The following DIAPH1 variants were observed in gnomAD, a reference collection of about 807,000 sequenced individuals.
DIAPH1 encodes diaphanous related formin 1.
In DIAPH1, 46 loss-of-function variants were observed where a neutral mutation model predicts 140.7. That is an observed-to-expected ratio of 0.33 (90% CI 0.26 to 0.42). The LOEUF is 0.42. Among genes scored for constraint, DIAPH1 ranks in the 10% least tolerant of loss-of-function variants. DIAPH1 has a pLI of 1.00. For synonymous variants in DIAPH1, 565 were observed against 551.6 expected (o/e 1.02, Z -0.34); for missense variants, 1,310 against 1,558.7 (o/e 0.84, Z 2.69).
rs1386271287 is a variant in DIAPH1, at chr5:141,548,185, C to A, written c.2483-13752G>T. Among the ~76,000 whole-genome samples the A allele has an allele frequency of 2.7e-5, 4 of 146,182 alleles. No homozygotes were observed. The East Asian group carries it at 8.1e-4, about 30-fold the overall frequency. ...CTCCACTCCAGCCTGGGCGACAGAGCAAGATCTTGTTTCAAAAAAAAAAAC... is the reference window on the plus strand; with the variant it reads ...CTCCACTCCAGCCTGGGCGACAGAGAAAGATCTTGTTTCAAAAAAAAAAAC... On this transcript the variant is annotated intron_variant, in intron 18 of 27. Coordinates refer to ENST00000389054, the MANE Select transcript of DIAPH1 (RefSeq NM_005219.5).
At chr5:141,588,541 A>G (rs1248865485) in intron 1 of DIAPH1, among the ~76,000 whole-genome samples, 1 of 152,104 alleles carries the variant, frequency 6.6e-6, no homozygotes, top group Admixed American at 6.6e-5. Context: ...CGATACACTT[A>G]TAAGATATGC....
chr5:141,601,760 T>TGA (rs1327867956), intron 1 of DIAPH1, among the ~76,000 whole-genome samples: 1 of 152,222 alleles, frequency 6.6e-6, no homozygotes. Flanking sequence ...AAACAGTATA[T>TGA]TTATTCTTTC....
chr5:141,617,305 G>A (rs2099902838), intron 1 of DIAPH1, among the ~76,000 whole-genome samples: 1 of 149,732 alleles, frequency 6.7e-6, no homozygotes, highest in South Asian at 2.1e-4. Flanking sequence ...TCTAGGGGGG[G>A]AAAAAAAGAT....
intron 19 of DIAPH1, among the ~76,000 whole-genome samples, chr5:141,531,093 A>G (rs2099888152): frequency 6.6e-6 from 1 of 152,158 alleles, no homozygotes; most frequent in Non-Finnish European, 1.5e-5. Flanking sequence ...CCACAAAGCC[A>G]ATGAAAAGAT....
intron 18 of DIAPH1, among the ~76,000 whole-genome samples, chr5:141,535,141 G>C (rs1226221048): frequency 6.6e-6 from 1 of 152,028 alleles, no homozygotes; most frequent in Non-Finnish European, 1.5e-5. Flanking sequence ...GTGGAGATGA[G>C]GTTTCACCAT....
intron 2 of DIAPH1, 73 bp downstream of exon 2, chr5:141,588,150 GT>G: frequency 7.9e-7 from 1 of 1,261,564 alleles, no homozygotes; most frequent in Non-Finnish European, 1.2e-6. Context: ...GAAAGTCAAA[GT>G]TATGAAAACT....
intron 18 of DIAPH1, among the ~76,000 whole-genome samples, chr5:141,534,689 C>G (rs567181818): frequency 6.6e-6 from 1 of 152,332 alleles, no homozygotes; most frequent in African/African-American, 2.4e-5. Flanking sequence ...TATCTACTTG[C>G]AGGGATCAGC....
chr5:141,574,331 G>T, intron 15 of DIAPH1, 123 bp from the exon 16 acceptor site: 1 of 970,918 alleles, frequency 1.0e-6, no homozygotes, highest in Non-Finnish European at 1.6e-6. Flanking sequence ...ACTGAGAGGA[G>T]TCAGAGAGAT....
intron 1 of DIAPH1, among the ~76,000 whole-genome samples, chr5:141,596,805 T>TAGA (rs1421071918): frequency 3.3e-5 from 5 of 152,158 alleles, no homozygotes; most frequent in African/African-American, 9.6e-5. Context: ...TAAACATGAG[T>TAGA]AGACAACCCA....
intron 1 of DIAPH1, among the ~76,000 whole-genome samples, chr5:141,596,418 A>G (rs1057442987): frequency 6.6e-6 from 1 of 152,152 alleles, no homozygotes; most frequent in East Asian, 1.9e-4. Flanking sequence ...TGGGAGGATC[A>G]GCTGAGCCCC....
intron 18 of DIAPH1, among the ~76,000 whole-genome samples, chr5:141,535,308 A>G (rs750018181): frequency 6.2e-4 from 94 of 152,312 alleles, no homozygotes; most frequent in Non-Finnish European, 8.2e-4. Flanking sequence ...TCAACTGCCT[A>G]TGATTGAGGT....
At chr5:141,554,363 T>G (rs1036209036) in intron 18 of DIAPH1, among the ~76,000 whole-genome samples, 7 of 152,104 alleles carry the variant, frequency 4.6e-5, no homozygotes, top group Non-Finnish European at 8.8e-5. Flanking sequence ...TAGAAAAACA[T>G]AACACATCAA....
chr5:141,584,695 C>T (rs541314745), intron 3 of DIAPH1, among the ~76,000 whole-genome samples: 4 of 152,248 alleles, frequency 2.6e-5, no homozygotes, highest in East Asian at 1.9e-4. Flanking sequence ...TCCTTTCCCA[C>T]GAAGAAAGAA....
chr5:141,552,673 AT>A (rs1263920468), intron 18 of DIAPH1, among the ~76,000 whole-genome samples: 1 of 152,204 alleles, frequency 6.6e-6, no homozygotes, highest in Non-Finnish European at 1.5e-5. Flanking sequence ...TATAGGAACA[AT>A]AGGAAACTAA....
In DIAPH1 at chr5:141,582,164, T is replaced by C. The variant is rs188738838; in HGVS notation, c.684+148A>G. On this transcript the variant is annotated intron_variant, in intron 7 of 27. Coordinates refer to ENST00000389054, the MANE Select transcript of DIAPH1 (RefSeq NM_005219.5). ...AAAAAAATATCCACAGAAGCATGTATATGTGGCAATGAAAAACAGTTATGA... is the reference window on the plus strand; with the variant it reads ...AAAAAAATATCCACAGAAGCATGTACATGTGGCAATGAAAAACAGTTATGA... 6.3e-4 allele frequency: 425 copies of C among 671,716 alleles called. 1 individual carries two copies. The African/African-American group carries it at 7.3e-3, about 12-fold the overall frequency. The allele number at this position is 671,716 out of a possible 1,614,324, so 41.6% of individuals were successfully genotyped here. A position where few individuals can be genotyped will look rare whatever the true frequency, so the allele number is the denominator to read the frequency against.
intron 18 of DIAPH1, among the ~76,000 whole-genome samples, chr5:141,558,990 T>G (rs757103940): frequency 6.6e-6 from 1 of 151,964 alleles, no homozygotes; most frequent in Non-Finnish European, 1.5e-5. Context: ...GGAAGAATCT[T>G]AGATCTCTCA....
intron 1 of DIAPH1, among the ~76,000 whole-genome samples, chr5:141,604,040 G>A (rs548672838): frequency 1.3e-5 from 2 of 152,280 alleles, no homozygotes; most frequent in East Asian, 3.9e-4. Flanking sequence ...CAAACTGCCA[G>A]TCCTTGCACT....
At chr5:141,616,673 G>A (rs1258009573) in intron 1 of DIAPH1, among the ~76,000 whole-genome samples, 1 of 152,176 alleles carries the variant, frequency 6.6e-6, no homozygotes, top group Non-Finnish European at 1.5e-5. Context: ...GGTTACATTT[G>A]GCAATAAAAG....
At chr5:141,554,098 G>GT (rs1358984649) in intron 18 of DIAPH1, among the ~76,000 whole-genome samples, 1 of 152,120 alleles carries the variant, frequency 6.6e-6, no homozygotes, top group Non-Finnish European at 1.5e-5. Context: ...CACCAACATG[G>GT]TGAAACCCCA....
Sources: allele counts gnomAD v4.1 joint callset (sites outside exome capture counted in the v4.1 genomes callset), GRCh38; gene constraint gnomAD v4.1.1; transcripts MANE v1.5; gene names NCBI Gene and HGNC (gene_info 2026-07-23, HGNC 2026-07-21).